ZNF155: variants seen among roughly 807,000 people sequenced by gnomAD.
The protein encoded by ZNF155 is KRAB A domain.
A neutral mutation model predicts 11.9 loss-of-function variants in ZNF155; 15 were observed. That is an observed-to-expected ratio of 1.26 (90% confidence interval 0.84 to 1.94). ZNF155 has a LOEUF of 1.94. Ranked by LOEUF, ZNF155 falls within the 30% of genes most tolerant of loss-of-function variation. ZNF155 has a pLI of 0.00. For synonymous variants in ZNF155, 212 were observed against 219.9 expected (o/e 0.96, Z 0.32); for missense variants, 602 against 639.1 (o/e 0.94, Z 0.63).
intron 4 of ZNF155, among the ~76,000 whole-genome samples, chr19:43,992,279 C>T (rs1322242110): frequency 6.6e-6 from 1 of 152,198 alleles, no homozygotes; most frequent in Non-Finnish European, 1.5e-5. Context: ...TTCCATCTTT[C>T]TCCATCATTT....
Position 43,997,621 on chromosome 19 carries a change from G to A in ZNF155, c.*147G>A. 1 of 814,178 alleles carries A rather than the reference G, an allele frequency of 1.2e-6. No individual in the cohort carries two copies. Among genetic ancestry groups the A allele is most frequent in the Non-Finnish European group, 1.8e-6 (1 of 543,532 alleles). 50.4% of individuals were successfully genotyped at this position (814,178 alleles called of 1,614,324 possible). ...ATTCAAAATCCATTTGAGAGGAGTT[G>A]GTAGACAGCAAGGGAAGGGTCCCTG... On this transcript the variant is annotated 3_prime_UTR_variant, in exon 5 of 5. Coordinates refer to ENST00000270014, the MANE Select transcript of ZNF155 (RefSeq NM_198089.3).
At position 43,996,181 on chromosome 19, in the gene ZNF155, A is replaced by G. The variant is rs1293028458; in HGVS notation, c.324A>G (p.Ala108=). The G allele has an allele frequency of 5.0e-6, 8 of 1,614,078 alleles. No individual in the cohort carries two copies. Among genetic ancestry groups the G allele is most frequent in the South Asian group, 1.1e-5 (1 of 91,092 alleles). Residue 108 remains alanine (A), a synonymous_variant, in exon 5 of 5, where the codon GCA becomes GCG. Transcript: ENST00000270014. ...GCCAGCAAATCTGGGAACAAATTGCAAAAGACTTAACCAGGTCTCAGGACT... is the reference window on the plus strand; with the variant it reads ...GCCAGCAAATCTGGGAACAAATTGCGAAAGACTTAACCAGGTCTCAGGACT... The part of the protein sequence containing the change: ...WSCQQIWEQI[A]KDLTRSQDSI...
chr19:43,988,317 A>G (rs1380838424), intron 1 of ZNF155, 142 bp from the exon 2 acceptor site: 5 of 402,232 alleles, frequency 1.2e-5, no homozygotes, highest in South Asian at 1.2e-4. Context: ...ATAAGATTCC[A>G]TGGTATGGAT....
chr19:43,991,438 C>T (rs1686886186), intron 2 of ZNF155, 110 bp from the exon 3 acceptor site: 1 of 1,555,530 alleles, frequency 6.4e-7, no homozygotes, highest in Admixed American at 1.8e-5. Context: ...GACCTACATC[C>T]CTCAATACTG....
At chr19:43,989,471 C>A (rs577923111) in intron 2 of ZNF155, among the ~76,000 whole-genome samples, 97 of 152,288 alleles carry the variant, frequency 6.4e-4, no homozygotes, top group African/African-American at 2.3e-3. Flanking sequence ...ATATGAGAAA[C>A]CTTCTCAGGT....
Position 43,996,435 on chromosome 19 carries a change from T to C in ZNF155, c.578T>C (p.Val193Ala), listed in dbSNP as rs760670714. ...ATCTGTTACATCTCAGCTCTTCATG[T>C]TCATCAGAGAGTCCACGTGGGAGAG... ...KSICYISALH[V>A]HQRVHVGEKL... is the part of the protein sequence containing the mutation. Residue 193 changes from valine to alanine, a missense_variant, in exon 5 of 5, where the codon GTT becomes GCT. Val to Ala is a moderately conservative substitution (Grantham distance 64, BLOSUM62 0). Coordinates refer to ENST00000270014, the MANE Select transcript of ZNF155 (RefSeq NM_198089.3). 10 of 1,614,120 alleles carry C rather than the reference T, an allele frequency of 6.2e-6. No homozygotes were observed. In the African/African-American group the frequency reaches 1.3e-4, roughly 22 times the overall value.
rs537069983 is a variant in ZNF155 at position 43,986,674 on chromosome 19, C to T, written c.-85-1785C>T. On this transcript the variant is annotated intron_variant, in intron 1 of 4. Transcript: ENST00000270014. ...CTGTGTTAGCCAGGATGGTCTCGAT[C>T]TCCTGACCTTGTGATCCGCCCACCT... Among the ~76,000 whole-genome samples, 20 of 152,238 alleles carry T rather than the reference C, an allele frequency of 1.3e-4. No individual in the cohort carries two copies. In the South Asian group the frequency reaches 1.7e-3, roughly 13 times the overall value.
chr19:43,989,639 C>G (rs1394863876), intron 2 of ZNF155, among the ~76,000 whole-genome samples: 1 of 152,124 alleles, frequency 6.6e-6, no homozygotes. Context: ...TGGTGCTGCT[C>G]CTCCCTGTCC....
At chr19:43,995,101 A>C (rs1334729089) in intron 4 of ZNF155, among the ~76,000 whole-genome samples, 1 of 150,704 alleles carries the variant, frequency 6.6e-6, no homozygotes, top group Non-Finnish European at 1.5e-5. Context: ...CTTTTTGGTT[A>C]GGTTAACTTT....
rs1042298222 is a variant in ZNF155 at position 43,992,018 on chromosome 19, T to C, written c.235+84T>C. 4.9e-6 allele frequency: 6 copies of C among 1,236,960 alleles called. No homozygotes were observed. The African/African-American group carries it at 7.6e-5, about 16-fold the overall frequency. 76.6% of individuals were successfully genotyped at this position (1,236,960 alleles called of 1,614,324 possible). A position where few individuals can be genotyped will look rare whatever the true frequency, so the allele number is the denominator to read the frequency against. On this transcript the variant is annotated intron_variant, in intron 4 of 4. Transcript: ENST00000270014. ...TCCATGCCCATTTGCATTGCTCTGATGTAAATGACCACATCTCCTTCCTGG... is the reference window on the plus strand; with the variant it reads ...TCCATGCCCATTTGCATTGCTCTGACGTAAATGACCACATCTCCTTCCTGG...
Position 43,988,562 on chromosome 19 carries a change from A to T in ZNF155, c.15+4A>T. ...AGGAAAAATGACCACATTCAAGGTGAGGGGGGCGTGCCTCTCTCGCTGTTA... is the reference window on the plus strand; with the variant it reads ...AGGAAAAATGACCACATTCAAGGTGTGGGGGGCGTGCCTCTCTCGCTGTTA... On this transcript the variant is annotated splice_donor_region_variant and intron_variant, in intron 2 of 4. Transcript: ENST00000270014. 9.4e-6 allele frequency: 15 copies of T among 1,602,608 alleles called. No homozygotes were observed. Among genetic ancestry groups the T allele is most frequent in the Non-Finnish European group, 1.3e-5 (15 of 1,172,876 alleles).
intron 2 of ZNF155, among the ~76,000 whole-genome samples, 155 bp from the exon 3 acceptor site, chr19:43,991,393 G>A (rs1420190265): frequency 2.0e-5 from 3 of 152,176 alleles, no homozygotes; most frequent in African/African-American, 7.2e-5. Flanking sequence ...GTCATTGTCA[G>A]GATATAGACA....
chr19:43,987,678 T>G (rs1227756355), intron 1 of ZNF155, among the ~76,000 whole-genome samples: 1 of 152,192 alleles, frequency 6.6e-6, no homozygotes, highest in Non-Finnish European at 1.5e-5. Flanking sequence ...AAGTTTCTTC[T>G]GGGGAGATAC....
At chr19:43,985,721 T>C (rs998555244) in intron 1 of ZNF155, among the ~76,000 whole-genome samples, 10 of 151,952 alleles carry the variant, frequency 6.6e-5, no homozygotes, top group African/African-American at 2.4e-4. Flanking sequence ...TTTGTATTTT[T>C]AGTAAAGATG....
chr19:43,989,463 A>G (rs2147380734), intron 2 of ZNF155, among the ~76,000 whole-genome samples: 1 of 152,334 alleles, frequency 6.6e-6, no homozygotes, highest in African/African-American at 2.4e-5. Flanking sequence ...CAGGTGAAAT[A>G]TGAGAAACCT....
At chr19:43,988,673 T>C (rs1352239617) in intron 2 of ZNF155, 115 bp downstream of exon 2, 7 of 1,140,234 alleles carry the variant, frequency 6.1e-6, no homozygotes, top group Non-Finnish European at 8.4e-6. Context: ...GGGGACCTGT[T>C]TGTGCCAGGT....
At chr19:43,988,725 G>T in intron 2 of ZNF155, 167 bp downstream of exon 2, 1 of 552,604 alleles carries the variant, frequency 1.8e-6, no homozygotes, top group South Asian at 6.3e-5. Context: ...TTGGTTTTTG[G>T]TTTTGCTTTG....
At chr19:43,986,313 TA>T (rs1181147615) in intron 1 of ZNF155, among the ~76,000 whole-genome samples, 6 of 152,270 alleles carry the variant, frequency 3.9e-5, no homozygotes, top group African/African-American at 1.2e-4. Flanking sequence ...TATAAGCATT[TA>T]AAAAAATTGT....
At position 43,997,452 on chromosome 19, in the gene ZNF155, CATT is replaced by C. The variant is rs748263088; in HGVS notation, c.1599_1601del (p.Leu533del). The C allele has an allele frequency of 1.3e-6, 2 of 1,597,576 alleles. No homozygotes were observed. The highest frequency in any genetic ancestry group is 2.3e-5 in the South Asian group (2 of 88,720). ...CGCTTGAATCTGGATATACTTTTATCATTATTTCTAAATGACACATAATTGTTC... is the reference window on the plus strand; with the variant it reads ...CGCTTGAATCTGGATATACTTTTATCATTTCTAAATGACACATAATTGTTC... On this transcript the variant is annotated inframe_deletion, in exon 5 of 5. Coordinates refer to ENST00000270014, the MANE Select transcript of ZNF155 (RefSeq NM_198089.3).
Sources: allele counts gnomAD v4.1 joint callset (sites outside exome capture counted in the v4.1 genomes callset), GRCh38; gene constraint gnomAD v4.1.1; transcripts MANE v1.5; gene names NCBI Gene and HGNC (gene_info 2026-07-23, HGNC 2026-07-21).